The following OSBPL10 variants were observed in gnomAD, a reference collection of about 807,000 sequenced individuals.
OSBPL10 encodes the protein oxysterol binding protein like 10, also known as oxysterol-binding protein-related protein 10.
OSBPL10 carries 49 observed loss-of-function variants against 81.7 expected under a neutral mutation model. The observed-to-expected ratio is 0.60, with a 90% confidence interval of 0.48 to 0.76. The LOEUF (loss-of-function observed/expected upper bound fraction) is 0.76. OSBPL10 is among the 30% of genes least tolerant of loss of function. The probability of loss-of-function intolerance (pLI) is 0.00; values close to 1 mark genes in which losing one functional copy is unlikely to be tolerated. For missense variants in OSBPL10, 923 were observed against 987.8 expected (o/e 0.93, Z 0.88); for synonymous variants, 419 against 383.6 (o/e 1.09, Z -1.08).
chr3:31,843,685 A>T (rs929971114), intron 3 of OSBPL10, among the ~76,000 whole-genome samples: 22 of 152,228 alleles, frequency 1.4e-4, no homozygotes, highest in Non-Finnish European at 2.9e-4. Context: ...TCCAGTTGGC[A>T]TAACAGCAAA....
At position 31,761,813 on chromosome 3, in the gene OSBPL10, TAAA is replaced by T. The variant is rs34579457; in HGVS notation, c.730-13696_730-13694del. On this transcript the variant is annotated intron_variant, in intron 4 of 11. Coordinates refer to ENST00000396556, the MANE Select transcript of OSBPL10 (RefSeq NM_017784.5). The stretch of plus-strand genomic sequence containing the variant: ...CTGGGCAACAGAGCAAGACTGTCTC[TAAA>T]AAAAAAAAAAAAAAACCCTAAAGGG... Among the ~76,000 whole-genome samples the T allele has an allele frequency of 2.0e-4, 21 of 107,494 alleles. 1 individual carries two copies. The highest frequency in any genetic ancestry group is 1.9e-4 in the African/African-American group (3 of 15,702). The allele number at this position is 107,494 out of a possible 152,430, so 70.5% of individuals were successfully genotyped here.
intron 2 of OSBPL10, chr3:31,989,834 A>G (rs769115005): frequency 6.2e-7 from 1 of 1,614,170 alleles, no homozygotes; most frequent in Non-Finnish European, 8.5e-7. Context: ...CAGATAATCT[A>G]TTTAGGAGGG....
chr3:32,076,026 G>A lies in OSBPL10; in HGVS notation n.185+1370C>T, dbSNP rs535374323. ...ATGTACTTTGTGAGATCCACCCCCT[G>A]CCTGCAAAACATTGCTCCTAACTCC... On this transcript the variant is annotated intron_variant and non_coding_transcript_variant, in intron 1 of 3. Transcript: ENST00000479173. Among the ~76,000 whole-genome samples, 287 of 152,190 alleles carry A rather than the reference G, an allele frequency of 1.9e-3. 1 individual carries two copies. Among genetic ancestry groups the A allele is most frequent in the Non-Finnish European group, 3.4e-3 (229 of 68,012 alleles).
At chr3:32,060,077 G>C (rs947728076) in intron 1 of OSBPL10, among the ~76,000 whole-genome samples, 18 of 147,974 alleles carry the variant, frequency 1.2e-4, no homozygotes, top group African/African-American at 4.6e-4. Context: ...AAAAGTCAAT[G>C]AGCTATATAT....
At chr3:31,741,862 G>A (rs1254819105) in intron 5 of OSBPL10, among the ~76,000 whole-genome samples, 1 of 152,136 alleles carries the variant, frequency 6.6e-6, no homozygotes, top group Non-Finnish European at 1.5e-5. Context: ...GAGATCTGAT[G>A]GTTTTAAAAA....
intron 1 of OSBPL10, among the ~76,000 whole-genome samples, chr3:31,884,328 G>A (rs991410020): frequency 6.6e-6 from 1 of 152,170 alleles, no homozygotes; most frequent in African/African-American, 2.4e-5. Context: ...GTACTAAGGA[G>A]AGTTATCAAT....
At chr3:31,979,301 A>G (rs1375378380) in intron 1 of OSBPL10, among the ~76,000 whole-genome samples, 1 of 152,222 alleles carries the variant, frequency 6.6e-6, no homozygotes, top group East Asian at 1.9e-4. Flanking sequence ...TGCAACTTCC[A>G]CTAACATAGT....
intron 1 of OSBPL10, among the ~76,000 whole-genome samples, chr3:31,938,644 G>A (rs1213356707): frequency 6.6e-6 from 1 of 152,106 alleles, no homozygotes; most frequent in Non-Finnish European, 1.5e-5. Flanking sequence ...ACGTAGCTGG[G>A]ACTACAGGCA....
At chr3:31,990,895 C>T (rs747613881) in intron 2 of OSBPL10, 23 of 1,575,328 alleles carry the variant, frequency 1.5e-5, no homozygotes, top group Non-Finnish European at 1.9e-5. Flanking sequence ...CTTTACTTCA[C>T]ATTCACATCG....
At chr3:31,704,165 C>G (rs1308154727) in intron 6 of OSBPL10, 1 of 152,396 alleles carries the variant, frequency 6.6e-6, no homozygotes, top group African/African-American at 2.4e-5. Context: ...ATGGCTAATG[C>G]TGAGATTAGC....
At chr3:31,749,918 C>T (rs756882544) in intron 4 of OSBPL10, among the ~76,000 whole-genome samples, 2 of 151,602 alleles carry the variant, frequency 1.3e-5, no homozygotes, top group South Asian at 2.1e-4. Context: ...TGGTGGCTCA[C>T]GCCTGTAATC....
intron 1 of OSBPL10, among the ~76,000 whole-genome samples, chr3:32,055,781 C>T (rs1411726062): frequency 6.6e-6 from 1 of 152,182 alleles, no homozygotes; most frequent in East Asian, 1.9e-4. Flanking sequence ...CTCATCTACA[C>T]AGTTCCTGTA....
At chr3:31,972,912 C>T (rs150362825) in intron 1 of OSBPL10, among the ~76,000 whole-genome samples, 188 of 152,240 alleles carry the variant, frequency 1.2e-3, no homozygotes, top group Non-Finnish European at 2.3e-3. Flanking sequence ...AACAGACTTG[C>T]AACAAAAGAC....
chr3:31,703,934 G>A (rs1002962155), intron 6 of OSBPL10: 2 of 152,166 alleles, frequency 1.3e-5, no homozygotes, highest in Non-Finnish European at 1.5e-5. Flanking sequence ...AATAATTGAG[G>A]AATCCTTACC....
At chr3:31,713,664 T>TG (rs1222849825) in intron 6 of OSBPL10, among the ~76,000 whole-genome samples, 1 of 152,268 alleles carries the variant, frequency 6.6e-6, no homozygotes, top group Non-Finnish European at 1.5e-5. Context: ...CCCAAAGTGC[T>TG]GGGATTACAG....
intron 4 of OSBPL10, among the ~76,000 whole-genome samples, chr3:31,771,535 G>A (rs958266551): frequency 6.6e-6 from 1 of 152,074 alleles, no homozygotes; most frequent in African/African-American, 2.4e-5. Context: ...GGGGTCTGAA[G>A]GAACTCCCCA....
rs1441271330 is a variant in OSBPL10, at chr3:31,860,954, G to A, written c.537+15479C>T. ...TTAAAATCCTGACCTCAAGTGATCC[G>A]CCCACCTCAGCCTCCCAAAGTGCTG... On this transcript the variant is annotated intron_variant, in intron 3 of 11. Transcript: ENST00000396556. Among the ~76,000 whole-genome samples the A allele has an allele frequency of 5.3e-5, 8 of 150,580 alleles. No homozygotes were observed. The South Asian group carries it at 6.3e-4, about 12-fold the overall frequency.
intron 1 of OSBPL10, among the ~76,000 whole-genome samples, chr3:31,895,466 C>T (rs1696028309): frequency 6.6e-6 from 1 of 151,990 alleles, no homozygotes; most frequent in Admixed American, 6.6e-5. Flanking sequence ...CCCAATCCCC[C>T]ACATACACTT....
chr3:31,709,354 T>A (rs530900571), intron 6 of OSBPL10: 2 of 152,222 alleles, frequency 1.3e-5, no homozygotes, highest in South Asian at 4.2e-4. Context: ...AAGGTTAGTT[T>A]TAAATAAAAC....
Sources: gnomAD v4.1 joint callset for allele counts (sites outside exome capture counted in the v4.1 genomes callset) on GRCh38, gnomAD v4.1.1 for gene constraint, MANE v1.5 for transcripts, NCBI Gene and HGNC (gene_info 2026-07-23, HGNC 2026-07-21) for gene names.